The following CNTNAP5 variants were observed in gnomAD, a reference collection of about 807,000 sequenced individuals.
CNTNAP5 encodes the protein contactin associated protein family member 5.
A neutral mutation model predicts 150.2 loss-of-function variants in CNTNAP5; 72 were observed. That is an observed-to-expected ratio of 0.48 (90% CI 0.40 to 0.58). The LOEUF (loss-of-function observed/expected upper bound fraction) is 0.58. CNTNAP5 is among the 20% of genes least tolerant of loss of function. CNTNAP5 has a pLI of 0.00. For missense variants in CNTNAP5, 1,636 were observed against 1,626.2 expected (o/e 1.01, Z -0.10); for synonymous variants, 672 against 619.8 (o/e 1.08, Z -1.25).
chr2:124,070,039 G>A (rs1682261554), intron 1 of CNTNAP5, among the ~76,000 whole-genome samples: 1 of 152,060 alleles, frequency 6.6e-6, no homozygotes, highest in African/African-American at 2.4e-5. Context: ...GTTAAAAAGT[G>A]GGTGGGTAAA....
intron 3 of CNTNAP5, among the ~76,000 whole-genome samples, chr2:124,297,810 TTTATTATTATTA>T (rs138310065): frequency 0.015 from 1,847 of 126,354 alleles, 15 homozygotes; most frequent in African/African-American, 0.035. Flanking sequence ...CATCCAATTA[TTTATTATTATTA>T]TTATTATTAT....
chr2:124,633,512 C>A (rs13011609), intron 12 of CNTNAP5, among the ~76,000 whole-genome samples: 79,558 of 152,098 alleles, frequency 0.52, 21,943 homozygotes, highest in Non-Finnish European at 0.62. Flanking sequence ...TCTGCCCCTC[C>A]GGCTTTGCAA....
At chr2:124,897,539 G>A (rs1232321461) in intron 21 of CNTNAP5, among the ~76,000 whole-genome samples, 1 of 151,546 alleles carries the variant, frequency 6.6e-6, no homozygotes, top group East Asian at 1.9e-4. Flanking sequence ...AGAGAATCAT[G>A]TCTGAGCAAG....
chr2:124,645,824 G>A (rs1004720104), intron 12 of CNTNAP5, among the ~76,000 whole-genome samples: 3 of 152,166 alleles, frequency 2.0e-5, no homozygotes, highest in African/African-American at 7.2e-5. Flanking sequence ...TCTATCATCA[G>A]CTTCTGGGGA....
intron 13 of CNTNAP5, among the ~76,000 whole-genome samples, chr2:124,707,357 T>A (rs17321229): frequency 0.16 from 24,710 of 152,054 alleles, 2,282 homozygotes; most frequent in East Asian, 0.24. Flanking sequence ...AACTTGAAAT[T>A]GAGTTTTTTG....
chr2:124,411,071 A>G (rs985448221), intron 3 of CNTNAP5, among the ~76,000 whole-genome samples: 3 of 152,224 alleles, frequency 2.0e-5, no homozygotes, highest in African/African-American at 7.2e-5. Context: ...CCACAGAAAT[A>G]CAAACTACCA....
intron 19 of CNTNAP5, among the ~76,000 whole-genome samples, chr2:124,806,149 A>G (rs1426896544): frequency 6.6e-6 from 1 of 152,174 alleles, no homozygotes; most frequent in African/African-American, 2.4e-5. Flanking sequence ...TTAATATACA[A>G]TTCATCTTTG....
chr2:124,359,147 G>C (rs1690118738), intron 3 of CNTNAP5, among the ~76,000 whole-genome samples: 1 of 152,142 alleles, frequency 6.6e-6, no homozygotes, highest in South Asian at 2.1e-4. Flanking sequence ...GATCGGCGGT[G>C]ATATCCCCTT....
Position 124,221,813 on chromosome 2 carries a change from A to C in CNTNAP5, c.187+4A>C. ...GCTCAACTCAACTGGAGAGTTGGTA[A>C]GTAGGCTGACTGAAATCCTAATGCC... On this transcript the variant is annotated splice_donor_region_variant and intron_variant, in intron 2 of 23. Coordinates refer to ENST00000682447, the MANE Select transcript of CNTNAP5 (RefSeq NM_001367498.1). 1 of 1,583,102 alleles carries C rather than the reference A, an allele frequency of 6.3e-7. No homozygotes were observed. The highest frequency in any genetic ancestry group is 8.6e-7 in the Non-Finnish European group (1 of 1,156,504).
intron 4 of CNTNAP5, among the ~76,000 whole-genome samples, chr2:124,419,336 T>G (rs1692022770): frequency 6.6e-6 from 1 of 152,120 alleles, no homozygotes; most frequent in Admixed American, 6.6e-5. Context: ...AGTGTCTACT[T>G]GCACAGAAAG....
intron 10 of CNTNAP5, among the ~76,000 whole-genome samples, chr2:124,536,106 C>G (rs1290269979): frequency 1.3e-5 from 2 of 152,176 alleles, no homozygotes; most frequent in Admixed American, 6.5e-5. Context: ...GAGCTTCTAA[C>G]TCTGAAGTGA....
intron 3 of CNTNAP5, among the ~76,000 whole-genome samples, chr2:124,404,664 G>A (rs1691524030): frequency 1.3e-5 from 2 of 152,204 alleles, no homozygotes; most frequent in South Asian, 4.1e-4. Context: ...ATTCTTCTGT[G>A]TGTCAATCCC....
chr2:124,610,708 C>A (rs1677359705), intron 12 of CNTNAP5, among the ~76,000 whole-genome samples: 1 of 152,016 alleles, frequency 6.6e-6, no homozygotes, highest in Admixed American at 6.6e-5. Flanking sequence ...CGCCTGTAAT[C>A]CCAGCACTTT....
intron 1 of CNTNAP5, among the ~76,000 whole-genome samples, chr2:124,060,221 TC>T (rs1573724939): frequency 6.6e-6 from 1 of 152,170 alleles, no homozygotes; most frequent in Non-Finnish European, 1.5e-5. Flanking sequence ...CCCACTTGTA[TC>T]AGAAATCCGT....
chr2:124,698,648 C>T (rs186150488), intron 13 of CNTNAP5, among the ~76,000 whole-genome samples: 1 of 152,196 alleles, frequency 6.6e-6, no homozygotes, highest in East Asian at 1.9e-4. Context: ...GTCTTCTATG[C>T]TTCTGCTCAT....
intron 17 of CNTNAP5, among the ~76,000 whole-genome samples, chr2:124,779,542 CAT>C (rs1028881364): frequency 3.9e-5 from 6 of 152,206 alleles, no homozygotes; most frequent in African/African-American, 1.2e-4. Context: ...CACACACACA[CAT>C]GCTTCTTTTA....
intron 19 of CNTNAP5, among the ~76,000 whole-genome samples, chr2:124,826,148 C>T (rs1259459773): frequency 1.3e-5 from 2 of 151,822 alleles, no homozygotes; most frequent in South Asian, 2.1e-4. Context: ...TGAGTTATTA[C>T]TACATTAATT....
intron 3 of CNTNAP5, 174 bp downstream of exon 3, chr2:124,242,567 A>T: frequency 1.8e-6 from 1 of 568,434 alleles, no homozygotes; most frequent in South Asian, 2.6e-5. Flanking sequence ...TCTACTTCCT[A>T]GGAAAATTAG....
chr2:124,356,515 A>T (rs1179728903), intron 3 of CNTNAP5, among the ~76,000 whole-genome samples: 1 of 133,128 alleles, frequency 7.5e-6, no homozygotes, highest in Admixed American at 9.0e-5. Flanking sequence ...TGTCCATGTG[A>T]TCTCATTGTT....
Sources: allele counts gnomAD v4.1 joint callset (sites outside exome capture counted in the v4.1 genomes callset), GRCh38; gene constraint gnomAD v4.1.1; transcripts MANE v1.5; gene names NCBI Gene and HGNC (gene_info 2026-07-23, HGNC 2026-07-21).